SLC49A4: variants seen among roughly 807,000 people sequenced by gnomAD.
SLC49A4 encodes the protein solute carrier family 49 member 4.
Under a neutral mutation model 50.6 loss-of-function variants are expected in SLC49A4, and 36 were observed. The ratio of observed to expected loss-of-function variants is 0.71; its 90% CI spans 0.55 to 0.94. The LOEUF (loss-of-function observed/expected upper bound fraction) is 0.94. Among genes scored for constraint, SLC49A4 ranks in the 40% least tolerant of loss-of-function variants. The probability of loss-of-function intolerance (pLI) is 0.00; values close to 1 mark genes in which losing one functional copy is unlikely to be tolerated. For synonymous variants in SLC49A4, 248 were observed against 241.2 expected, an observed-to-expected ratio of 1.03 and a Z score of -0.26; for missense variants, 503 against 605.7, an observed-to-expected ratio of 0.83 and a Z score of 1.78.
At chr3:122,878,010 A>G (rs1937286567) in intron 8 of SLC49A4, among the ~76,000 whole-genome samples, 1 of 152,294 alleles carries the variant, frequency 6.6e-6, no homozygotes, top group South Asian at 2.1e-4. Context: ...GGGAGTCTGT[A>G]TTTGTGAGCA....
At chr3:122,819,932 T>A (rs1560203280) in intron 2 of SLC49A4, among the ~76,000 whole-genome samples, 1 of 152,096 alleles carries the variant, frequency 6.6e-6, no homozygotes, top group Non-Finnish European at 1.5e-5. Context: ...TAATGAGTTT[T>A]GGAGGTAAGT....
intron 8 of SLC49A4, 50 bp from the exon 9 acceptor site, chr3:122,879,213 C>T: frequency 7.5e-7 from 1 of 1,326,132 alleles, no homozygotes; most frequent in Non-Finnish European, 1.1e-6. Context: ...AGGTGGTGGT[C>T]TGCTGGTGAT....
intron 2 of SLC49A4, among the ~76,000 whole-genome samples, chr3:122,824,984 C>T (rs1414845155): frequency 2.0e-5 from 3 of 152,146 alleles, no homozygotes; most frequent in South Asian, 4.1e-4. Flanking sequence ...CCACCCACCT[C>T]GGCCTCCCAA....
intron 2 of SLC49A4, among the ~76,000 whole-genome samples, chr3:122,810,584 T>A (rs887100757): frequency 2.0e-5 from 3 of 152,360 alleles, no homozygotes; most frequent in South Asian, 2.1e-4. Flanking sequence ...ATGTATATTT[T>A]TAAATTTTAT....
intron 1 of SLC49A4, among the ~76,000 whole-genome samples, chr3:122,804,949 AG>A (rs1936193369): frequency 6.6e-6 from 1 of 152,254 alleles, no homozygotes; most frequent in Non-Finnish European, 1.5e-5. Flanking sequence ...GGCCATAAAC[AG>A]TGCCTCACTG....
At chr3:122,820,707 C>T (rs1017303432) in intron 2 of SLC49A4, among the ~76,000 whole-genome samples, 6 of 152,222 alleles carry the variant, frequency 3.9e-5, no homozygotes, top group African/African-American at 1.4e-4. Flanking sequence ...CAGGCATTGT[C>T]CTCTGTGGGC....
At chr3:122,856,242 T>C (rs1258668230) in intron 5 of SLC49A4, 65 bp from the exon 6 acceptor site, 1 of 1,546,536 alleles carries the variant, frequency 6.5e-7, no homozygotes, top group Non-Finnish European at 8.9e-7. Flanking sequence ...GAGGACTTTT[T>C]TTCATTCCTT....
intron 1 of SLC49A4, among the ~76,000 whole-genome samples, chr3:122,797,313 T>A (rs531056126): frequency 5.3e-4 from 80 of 152,262 alleles, no homozygotes; most frequent in African/African-American, 1.9e-3. Context: ...GCGACAAGAA[T>A]GATAAAGGGT....
At chr3:122,799,031 A>G (rs1936092658) in intron 1 of SLC49A4, among the ~76,000 whole-genome samples, 1 of 152,076 alleles carries the variant, frequency 6.6e-6, no homozygotes. Context: ...AGGAGACAGA[A>G]AAGGACTAGC....
At chr3:122,815,347 TCAAAGTGCTGGGATTA>T (rs1347225452) in intron 2 of SLC49A4, among the ~76,000 whole-genome samples, 3 of 152,136 alleles carry the variant, frequency 2.0e-5, no homozygotes, top group Admixed American at 6.6e-5. Flanking sequence ...CCTCGGCCTC[TCAAAGTGCTGGGATTA>T]CAGATGTGGG....
chr3:122,826,020 G>A lies in SLC49A4; in HGVS notation c.438-780G>A, dbSNP rs116289741. On this transcript the variant is annotated intron_variant, in intron 2 of 8. Coordinates refer to ENST00000261038, the MANE Select transcript of SLC49A4 (RefSeq NM_032839.3). The stretch of plus-strand genomic sequence containing the variant: ...AAGTCAGAATTAGAGTATGAGAACT[G>A]GAAGGGACTTAGTGGTCCTGTCATT... 4.5e-3 allele frequency among the ~76,000 whole-genome samples: 688 copies of A among 152,264 alleles called. 7 individuals are homozygous for A. Among genetic ancestry groups the A allele is most frequent in the African/African-American group, 0.016 (661 of 41,554 alleles).
intron 3 of SLC49A4, among the ~76,000 whole-genome samples, chr3:122,831,294 G>A (rs1936604734): frequency 6.6e-6 from 1 of 152,014 alleles, no homozygotes; most frequent in African/African-American, 2.4e-5. Flanking sequence ...CAAGTGAAAT[G>A]AAAACATACA....
Position 122,806,607 on chromosome 3 carries a change from C to T in SLC49A4, c.344-250C>T, listed in dbSNP as rs74536950. Among the ~76,000 whole-genome samples the T allele has an allele frequency of 1.7e-4, 26 of 152,088 alleles. No individual in the cohort carries two copies. The East Asian group carries it at 1.7e-3, about 10-fold the overall frequency. On this transcript the variant is annotated intron_variant, in intron 1 of 8. Coordinates refer to ENST00000261038, the MANE Select transcript of SLC49A4 (RefSeq NM_032839.3). ...CCCAGGCTGGCCTCAAACTCCTGAG[C>T]TCAGGTGATCTGCCCACCTCGGCCT...
intron 8 of SLC49A4, 66 bp downstream of exon 8, chr3:122,872,663 A>G: frequency 8.3e-7 from 1 of 1,202,014 alleles, no homozygotes; most frequent in Non-Finnish European, 1.1e-6. Flanking sequence ...TCACTAGTGT[A>G]TAGAAGTTTT....
intron 7 of SLC49A4, among the ~76,000 whole-genome samples, chr3:122,866,383 A>G (rs538032654): frequency 1.3e-4 from 20 of 152,210 alleles, no homozygotes; most frequent in African/African-American, 4.6e-4. Context: ...TCCTCCCTAC[A>G]TGTATTTAAA....
At position 122,866,711 on chromosome 3, in the gene SLC49A4, C is replaced by T. The variant is rs182279170; in HGVS notation, c.1139-5704C>T. 6.6e-5 allele frequency among the ~76,000 whole-genome samples: 10 copies of T among 152,240 alleles called. No individual in the cohort carries two copies. In the East Asian group the frequency reaches 1.9e-3, roughly 29 times the overall value. On this transcript the variant is annotated intron_variant, in intron 7 of 8. Coordinates refer to ENST00000261038, the MANE Select transcript of SLC49A4 (RefSeq NM_032839.3). Reference sequence around the variant, plus strand: ...CTTAGCTTTTAATCTAACCATCCCCCCCTGCCCCCGACCCCATTCTTAGGA... The same window carrying T: ...CTTAGCTTTTAATCTAACCATCCCCTCCTGCCCCCGACCCCATTCTTAGGA...
intron 4 of SLC49A4, among the ~76,000 whole-genome samples, chr3:122,837,099 G>A (rs191214259): frequency 2.0e-5 from 3 of 152,286 alleles, no homozygotes; most frequent in East Asian, 1.9e-4. Context: ...ATGCTCATGG[G>A]TTGGAAGAAT....
intron 8 of SLC49A4, among the ~76,000 whole-genome samples, chr3:122,878,058 CCAGT>C (rs1439286417): frequency 2.0e-5 from 3 of 152,170 alleles, no homozygotes; most frequent in Admixed American, 6.5e-5. Flanking sequence ...CCTTTTCTTG[CCAGT>C]CAGTTTTCTG....
intron 1 of SLC49A4, among the ~76,000 whole-genome samples, chr3:122,800,703 T>C (rs1156598824): frequency 6.6e-6 from 1 of 152,112 alleles, no homozygotes; most frequent in Non-Finnish European, 1.5e-5. Context: ...AGTTGATTCT[T>C]TAGTAGTAAC....
Sources: allele counts gnomAD v4.1 joint callset (sites outside exome capture counted in the v4.1 genomes callset), GRCh38; gene constraint gnomAD v4.1.1; transcripts MANE v1.5; gene names NCBI Gene and HGNC (gene_info 2026-07-23, HGNC 2026-07-21).